Variants in POGZ observed in about 807,000 individuals in gnomAD.
POGZ encodes the protein pogo transposable element derived with ZNF domain.
A neutral mutation model predicts 134.6 loss-of-function variants in POGZ; 17 were observed. The observed-to-expected ratio is 0.13, with a 90% CI of 0.09 to 0.19. The LOEUF is 0.19. Ranked by LOEUF, POGZ falls within the 10% of genes least tolerant of loss-of-function variation. The probability of loss-of-function intolerance (pLI) is 1.00; values close to 1 mark genes in which losing one functional copy is unlikely to be tolerated. For synonymous variants in POGZ, 693 were observed against 657.1 expected (o/e 1.05, Z -0.84); for missense variants, 1,306 against 1,769.7 (o/e 0.74, Z 4.70).
intron 10 of POGZ, among the ~76,000 whole-genome samples, chr1:151,421,331 GA>G (rs1340460226): frequency 7.4e-6 from 1 of 135,240 alleles, no homozygotes; most frequent in Non-Finnish European, 1.5e-5. Flanking sequence ...GATATAAAAG[GA>G]AAGCAATTCT....
chr1:151,428,079 A>G, intron 6 of POGZ, 38 bp from the exon 7 acceptor site: 1 of 1,613,246 alleles, frequency 6.2e-7, no homozygotes, highest in Non-Finnish European at 8.5e-7. Flanking sequence ...TTCTCCACCC[A>G]CCATCCCAAC....
rs1653084387 is a variant in POGZ, at chr1:151,403,643, T to C, written c.*1159A>G. ...AAAATAAAGATTCATGTCATTTTCT[T>C]TGTGCACACCCCTGTGCGCTTCTTC... is the stretch of plus-strand genomic sequence containing the variant. On this transcript the variant is annotated 3_prime_UTR_variant, in exon 19 of 19. Coordinates refer to ENST00000271715, the MANE Select transcript of POGZ (RefSeq NM_015100.4). 1 of 985,830 alleles carries C rather than the reference T, an allele frequency of 1.0e-6. No homozygotes were observed. Among genetic ancestry groups the C allele is most frequent in the Non-Finnish European group, 1.2e-6 (1 of 829,860 alleles). 61.1% of individuals were successfully genotyped at this position (985,830 alleles called of 1,614,324 possible).
chr1:151,423,384 T>C lies in POGZ; in HGVS notation c.1678+13A>G. 1.2e-6 allele frequency: 2 copies of C among 1,611,844 alleles called. No individual in the cohort carries two copies. Among genetic ancestry groups the C allele is most frequent in the Non-Finnish European group, 8.5e-7 (1 of 1,178,034 alleles). ...GGTATATTCCCCTTGAGTTTAAGAGTTTCCAAACTTACTAGTAGATTCATA... is the reference window on the plus strand; with the variant it reads ...GGTATATTCCCCTTGAGTTTAAGAGCTTCCAAACTTACTAGTAGATTCATA... On this transcript the variant is annotated intron_variant, in intron 10 of 18. Transcript: ENST00000271715.
Position 151,429,616 on chromosome 1 carries a change from A to C in POGZ, c.555T>G (p.Ile185Met). 6.3e-7 allele frequency: 1 copy of C among 1,584,350 alleles called. No homozygotes were observed. The highest frequency in any genetic ancestry group is 8.7e-7 in the Non-Finnish European group (1 of 1,153,714). ...ATTTTTCCTTACCTGGAACTAGTGT[A>C]ATTGGTCTAACCGTTTGGCCTTGCT... Reference protein sequence around the residue: ...NVQQGQTVRPITLVPAPGTQF... With the variant: ...NVQQGQTVRPMTLVPAPGTQF... Residue 185 changes from isoleucine to methionine, a missense_variant, in exon 5 of 19, where the codon ATT (isoleucine) becomes ATG (methionine). Physicochemically the swap from Ile to Met is conservative, Grantham distance 10 (BLOSUM62 1). Around this residue, in one of 10 missense-constraint regions of POGZ, gnomAD observed 541 missense variants for 680.5 expected, o/e 0.80. Transcript: ENST00000271715.
chr1:151,437,701 G>A (rs954654258), intron 3 of POGZ, among the ~76,000 whole-genome samples: 1 of 152,230 alleles, frequency 6.6e-6, no homozygotes, highest in East Asian at 1.9e-4. Context: ...GCAGTGAGCC[G>A]AGACTGCGCC....
chr1:151,427,399 G>A (rs527694704), intron 7 of POGZ: 21 of 201,374 alleles, frequency 1.0e-4, no homozygotes, highest in Admixed American at 3.7e-4. Context: ...TATATATTGT[G>A]CACAAAGCCT....
chr1:151,423,245 T>C (rs763939131), intron 10 of POGZ, 152 bp downstream of exon 10: 9 of 623,186 alleles, frequency 1.4e-5, no homozygotes, highest in Non-Finnish European at 2.4e-5. Context: ...AAAAACAAGG[T>C]GAATGAAGTA....
At chr1:151,431,636 C>A (rs1316488048) in intron 3 of POGZ, among the ~76,000 whole-genome samples, 1 of 152,038 alleles carries the variant, frequency 6.6e-6, no homozygotes, top group Non-Finnish European at 1.5e-5. Flanking sequence ...AAAAACTAAC[C>A]CACACCAAGT....
chr1:151,428,832 G>A (rs1010815509), intron 5 of POGZ, among the ~76,000 whole-genome samples: 6 of 152,142 alleles, frequency 3.9e-5, no homozygotes, highest in Non-Finnish European at 8.8e-5. Flanking sequence ...CAACTCAGAA[G>A]ACAGACTATG....
In POGZ at chr1:151,423,595, T is replaced by G. The variant is rs373056661; in HGVS notation, c.1524-44A>C. The G allele has an allele frequency of 4.7e-6, 7 of 1,496,198 alleles. No individual in the cohort carries two copies. The African/African-American group carries it at 9.7e-5, about 21-fold the overall frequency. The allele number at this position is 1,496,198 out of a possible 1,614,324, so 92.7% of individuals were successfully genotyped here. A position where few individuals can be genotyped will look rare whatever the true frequency, so the allele number is the denominator to read the frequency against. On this transcript the variant is annotated intron_variant, in intron 9 of 18. Transcript: ENST00000271715. ...AGAAAGTACAGAAAACATAAAAAAT[T>G]GGTAGCCTTTTAGAAATATAATGGT... is the stretch of plus-strand genomic sequence containing the variant.
intron 3 of POGZ, among the ~76,000 whole-genome samples, chr1:151,440,055 T>G (rs1259722921): frequency 6.6e-6 from 1 of 152,108 alleles, no homozygotes; most frequent in Non-Finnish European, 1.5e-5. Flanking sequence ...ATAATCTTTT[T>G]TTGTCAAATG....
At position 151,403,476 on chromosome 1, in the gene POGZ, G is replaced by A. The variant is rs1653052191; in HGVS notation, c.*1326C>T. The A allele has an allele frequency of 1.0e-6, 1 of 985,712 alleles. No individual in the cohort carries two copies. The highest frequency in any genetic ancestry group is 6.2e-5 in the Admixed American group (1 of 16,260). 61.1% of individuals were successfully genotyped at this position (985,712 alleles called of 1,614,324 possible). A position where few individuals can be genotyped will look rare whatever the true frequency, so the allele number is the denominator to read the frequency against. On this transcript the variant is annotated 3_prime_UTR_variant, in exon 19 of 19. Coordinates refer to ENST00000271715, the MANE Select transcript of POGZ (RefSeq NM_015100.4). ...GAGGGGAACATTGTGGAAAGCCTCAGGATAAACAGAAGACTTGGTTTTTTG... is the reference window on the plus strand; with the variant it reads ...GAGGGGAACATTGTGGAAAGCCTCAAGATAAACAGAAGACTTGGTTTTTTG...
At chr1:151,420,293 C>G (rs1656667818) in intron 10 of POGZ, among the ~76,000 whole-genome samples, 1 of 152,168 alleles carries the variant, frequency 6.6e-6, no homozygotes, top group Non-Finnish European at 1.5e-5. Context: ...GCTGGCTACC[C>G]TGGCACTACA....
chr1:151,432,012 T>C (rs1008633015), intron 3 of POGZ, among the ~76,000 whole-genome samples: 1 of 151,734 alleles, frequency 6.6e-6, no homozygotes, highest in Non-Finnish European at 1.5e-5. Context: ...CCACTAAAAA[T>C]ACAACAATTA....
At chr1:151,422,656 A>T (rs1222954750) in intron 10 of POGZ, among the ~76,000 whole-genome samples, 1 of 151,770 alleles carries the variant, frequency 6.6e-6, no homozygotes, top group Non-Finnish European at 1.5e-5. Context: ...CAATGGCATG[A>T]TCTCAGCTCA....
chr1:151,414,930 G>A (rs1251199096), intron 10 of POGZ, among the ~76,000 whole-genome samples: 1 of 152,156 alleles, frequency 6.6e-6, no homozygotes, highest in Non-Finnish European at 1.5e-5. Context: ...AGATTCAAGA[G>A]GGAAAATGAA....
rs747085892 is a variant in POGZ at position 151,408,403 on chromosome 1, G to A, written c.2234+6C>T. 5.0e-6 allele frequency: 8 copies of A among 1,585,568 alleles called. No homozygotes were observed. Among genetic ancestry groups the A allele is most frequent in the East Asian group, 2.2e-5 (1 of 44,776 alleles). ...ACCCGCCCAGCACTTAGAAGAAGGC[G>A]CTGACATTTTCCTAACAGCTCTCTT... On this transcript the variant is annotated splice_donor_region_variant and intron_variant, in intron 14 of 18. Transcript: ENST00000271715.
rs772492758 is a variant in POGZ at position 151,404,806 on chromosome 1, A to G, written c.4229T>C (p.Ile1410Thr). 1 of 1,600,002 alleles carries G rather than the reference A, an allele frequency of 6.2e-7. No homozygotes were observed. The highest frequency in any genetic ancestry group is 8.5e-7 in the Non-Finnish European group (1 of 1,172,398). Residue 1410 changes from isoleucine to threonine, a missense_variant, in exon 19 of 19, where the codon ATT becomes ACT. Around this residue, in one of 10 missense-constraint regions of POGZ, gnomAD observed 107 missense variants for 97.9 expected, o/e 1.09. Transcript: ENST00000271715. The stretch of plus-strand genomic sequence containing the variant: ...ACCCCCTCATGACCCCAACACTCAA[A>G]TCTCCATCAGATCTAGGTCAGCTTC... ...FEEADLDLME[I>T]
chr1:151,457,215 C>T (rs1173338250), intron 1 of POGZ, among the ~76,000 whole-genome samples: 1 of 152,132 alleles, frequency 6.6e-6, no homozygotes, highest in Non-Finnish European at 1.5e-5. Context: ...CTGTTACCTC[C>T]TTTAGTTTGA....
Sources: gnomAD v4.1 joint callset for allele counts (sites outside exome capture counted in the v4.1 genomes callset) on GRCh38, gnomAD v4.1.1 for gene constraint, gnomAD v4.1.1 regional missense constraint, MANE v1.5 for transcripts, NCBI Gene and HGNC (gene_info 2026-07-23, HGNC 2026-07-21) for gene names.